The following SLC24A2 variants were observed in gnomAD, a reference collection of about 807,000 sequenced individuals.
SLC24A2 encodes sodium/potassium/calcium exchanger 2.
SLC24A2 carries 36 observed loss-of-function variants against 62.0 expected under a neutral mutation model. The observed-to-expected ratio is 0.58, with a 90% CI of 0.44 to 0.77. SLC24A2 has a LOEUF of 0.77. Ranked by LOEUF, SLC24A2 falls within the 30% of genes least tolerant of loss-of-function variation. SLC24A2 has a pLI of 0.00. For missense variants in SLC24A2, 846 were observed against 817.9 expected (o/e 1.03, Z -0.42); for synonymous variants, 358 against 294.0 (o/e 1.22, Z -2.23).
At chr9:19,851,017 A>ATACG in the SLC24A2 span, among the ~76,000 whole-genome samples, 1 of 56,872 alleles carries the variant, frequency 1.8e-5, no homozygotes. Context: ...ACATATATAT[A>ATACG]TATATACATA....
the SLC24A2 span, among the ~76,000 whole-genome samples, chr9:20,164,124 G>T: frequency 1.2e-4 from 18 of 152,034 alleles, no homozygotes; most frequent in East Asian, 9.7e-4. Flanking sequence ...AAGCCAAAAT[G>T]GACAAATGGG....
the SLC24A2 span, among the ~76,000 whole-genome samples, chr9:20,104,472 G>C: frequency 6.6e-6 from 1 of 152,184 alleles, no homozygotes; most frequent in African/African-American, 2.4e-5. Context: ...ACCCACAAAG[G>C]GAAGCCCATC....
At chr9:19,998,948 C>G in the SLC24A2 span, among the ~76,000 whole-genome samples, 2 of 152,156 alleles carry the variant, frequency 1.3e-5, no homozygotes, top group Non-Finnish European at 2.9e-5. Flanking sequence ...CAGCAGAAGC[C>G]AGAAATAAGC....
rs947290423 is a variant in SLC24A2, at chr9:19,582,352, A to G, written c.1130-5330T>C. ...AAATTCCCTCCCTCCCATCTTTCCCACCAAGTCTATAATAGGCAGGGTTAC... is the reference window on the plus strand; with the variant it reads ...AAATTCCCTCCCTCCCATCTTTCCCGCCAAGTCTATAATAGGCAGGGTTAC... On this transcript the variant is annotated intron_variant, in intron 5 of 10. Transcript: ENST00000341998. Among the ~76,000 whole-genome samples the G allele has an allele frequency of 5.3e-5, 8 of 152,284 alleles. No homozygotes were observed. In the East Asian group the frequency reaches 7.7e-4, roughly 15 times the overall value.
At chr9:19,605,127 G>A (rs1836948164) in intron 4 of SLC24A2, among the ~76,000 whole-genome samples, 1 of 152,214 alleles carries the variant, frequency 6.6e-6, no homozygotes, top group Non-Finnish European at 1.5e-5. Context: ...ATGCCTGCCA[G>A]TAAACCAGAG....
chr9:20,259,496 G>A, the SLC24A2 span, among the ~76,000 whole-genome samples: 1 of 152,094 alleles, frequency 6.6e-6, no homozygotes, highest in Admixed American at 6.6e-5. Context: ...ACCCTGCCCA[G>A]CCAAGATAGG....
At chr9:19,541,597 T>C (rs1251613600) in intron 8 of SLC24A2, among the ~76,000 whole-genome samples, 4 of 147,212 alleles carry the variant, frequency 2.7e-5, no homozygotes, top group Non-Finnish European at 4.5e-5. Context: ...GGAGAACCAC[T>C]GCTCTCTTCA....
chr9:20,142,253 G>A, the SLC24A2 span, among the ~76,000 whole-genome samples: 1 of 152,064 alleles, frequency 6.6e-6, no homozygotes, highest in Non-Finnish European at 1.5e-5. Flanking sequence ...CGATTGATTA[G>A]TAACACCCAT....
At chr9:20,097,720 ATTTTTTTTTTTTTTTTTTTTTTTTTTT>A in the SLC24A2 span, among the ~76,000 whole-genome samples, 2 of 69,052 alleles carry the variant, frequency 2.9e-5, no homozygotes, top group East Asian at 6.5e-4. Flanking sequence ...ATCTTAAATA[ATTTTTTTTTTTTTTTTTTTTTTTTTTT>A]TTTTTTTTTT....
the SLC24A2 span, among the ~76,000 whole-genome samples, chr9:20,278,259 G>T: frequency 1.3e-5 from 2 of 152,022 alleles, no homozygotes; most frequent in Middle Eastern, 3.2e-3. Context: ...TAAATAAAAA[G>T]AAAATGGGTT....
intron 8 of SLC24A2, among the ~76,000 whole-genome samples, chr9:19,538,634 A>G (rs1225946293): frequency 3.9e-5 from 4 of 103,832 alleles, no homozygotes; most frequent in African/African-American, 1.2e-4. Flanking sequence ...TTTTGCATCA[A>G]TGTTCATCAA....
At chr9:19,617,918 G>A (rs1044289020) in intron 4 of SLC24A2, among the ~76,000 whole-genome samples, 2 of 152,212 alleles carry the variant, frequency 1.3e-5, no homozygotes, top group African/African-American at 2.4e-5. Context: ...GGAAGCTACT[G>A]CAGGAATGCA....
chr9:19,691,779 A>C (rs1157588431), intron 2 of SLC24A2, among the ~76,000 whole-genome samples: 1 of 152,100 alleles, frequency 6.6e-6, no homozygotes, highest in African/African-American at 2.4e-5. Context: ...ATTGGGCAAC[A>C]CTAGTATATA....
the SLC24A2 span, among the ~76,000 whole-genome samples, chr9:20,114,001 G>A: frequency 6.6e-6 from 1 of 152,162 alleles, no homozygotes; most frequent in African/African-American, 2.4e-5. Context: ...TGCCTGGAAA[G>A]TGATTCCAGA....
intron 2 of SLC24A2, among the ~76,000 whole-genome samples, chr9:19,668,424 G>T (rs1391225191): frequency 6.6e-6 from 1 of 152,142 alleles, no homozygotes; most frequent in Non-Finnish European, 1.5e-5. Flanking sequence ...AGTAGATTGG[G>T]ACCAATTTCC....
intron 2 of SLC24A2, among the ~76,000 whole-genome samples, chr9:19,701,548 A>T (rs1474093977): frequency 6.6e-6 from 1 of 152,202 alleles, no homozygotes; most frequent in East Asian, 1.9e-4. Context: ...AGGAAACATG[A>T]ATTTATTACT....
the SLC24A2 span, among the ~76,000 whole-genome samples, chr9:20,087,914 G>A: frequency 2.0e-5 from 3 of 152,156 alleles, no homozygotes; most frequent in South Asian, 2.1e-4. Context: ...CCAGGGAAGC[G>A]GTGAGTGAGT....
chr9:19,771,124 C>G (rs766246967), intron 2 of SLC24A2, among the ~76,000 whole-genome samples: 8 of 152,126 alleles, frequency 5.3e-5, no homozygotes, highest in Non-Finnish European at 1.2e-4. Context: ...GATGCCAATC[C>G]AAGGTGATTA....
chr9:19,817,298 T>C, the SLC24A2 span, among the ~76,000 whole-genome samples: 2 of 151,820 alleles, frequency 1.3e-5, no homozygotes, highest in Non-Finnish European at 2.9e-5. Flanking sequence ...AATTTTATCC[T>C]GCCCATTTCA....
Sources: gnomAD v4.1 joint callset for allele counts (sites outside exome capture counted in the v4.1 genomes callset) on GRCh38, gnomAD v4.1.1 for gene constraint, MANE v1.5 for transcripts, NCBI Gene and HGNC (gene_info 2026-07-23, HGNC 2026-07-21) for gene names.